Variants in CCSER2 observed in about 807,000 individuals in gnomAD.
CCSER2 encodes serine-rich coiled-coil domain-containing protein 2.
Under a neutral mutation model 92.3 loss-of-function variants are expected in CCSER2, and 46 were observed. The ratio of observed to expected loss-of-function variants is 0.50; its 90% CI spans 0.39 to 0.64. CCSER2 has a LOEUF of 0.64. CCSER2 is among the 30% of genes least tolerant of loss of function. The pLI is 0.00. For synonymous variants in CCSER2, 433 were observed against 431.4 expected (o/e 1.00, Z -0.04); for missense variants, 1,244 against 1,238.9 (o/e 1.00, Z -0.06).
chr10:84,334,730 G>A (rs956704891), intron 1 of CCSER2, among the ~76,000 whole-genome samples: 4 of 152,100 alleles, frequency 2.6e-5, no homozygotes, highest in Admixed American at 1.3e-4. Flanking sequence ...TAAGACAGGG[G>A]CTTGTTTTAA....
intron 1 of CCSER2, among the ~76,000 whole-genome samples, chr10:84,356,813 A>G (rs1280645033): frequency 6.6e-6 from 1 of 152,206 alleles, no homozygotes. Context: ...GACCTCAGAT[A>G]TTAATTGAAA....
intron 9 of CCSER2, among the ~76,000 whole-genome samples, chr10:84,498,946 C>G (rs1259059441): frequency 1.3e-5 from 2 of 152,110 alleles, no homozygotes; most frequent in Non-Finnish European, 2.9e-5. Context: ...TTCTGATAAT[C>G]TGTGATTAAA....
At position 84,438,611 on chromosome 10, in the gene CCSER2, T is replaced by TA; in HGVS notation, c.1969dup (p.Thr657AsnfsTer6). On this transcript the variant is annotated frameshift_variant, in exon 6 of 10. Coordinates refer to ENST00000372088, the MANE Select transcript of CCSER2 (RefSeq NM_001284240.2). LOFTEE classifies it high-confidence loss of function. ...AGATGTTTGTTGATGTACCAGAAAA[T>TA]ACAGTGATACTGGATGAGATGACCC... is the stretch of plus-strand genomic sequence containing the variant. 6.2e-7 allele frequency: 1 copy of TA among 1,613,420 alleles called. No individual in the cohort carries two copies. The highest frequency in any genetic ancestry group is 8.5e-7 in the Non-Finnish European group (1 of 1,179,436).
chr10:84,367,905 G>A (rs1326064381), intron 1 of CCSER2, among the ~76,000 whole-genome samples: 1 of 151,946 alleles, frequency 6.6e-6, no homozygotes, highest in Non-Finnish European at 1.5e-5. Flanking sequence ...GTCTTGCTCA[G>A]GCTTAATTTG....
chr10:84,485,625 A>G (rs1847759641), intron 9 of CCSER2, among the ~76,000 whole-genome samples: 1 of 152,150 alleles, frequency 6.6e-6, no homozygotes. Flanking sequence ...TGTTCAAATA[A>G]ATAATAAAGA....
intron 1 of CCSER2, among the ~76,000 whole-genome samples, chr10:84,368,832 C>T (rs940131322): frequency 4.6e-5 from 7 of 152,026 alleles, no homozygotes; most frequent in African/African-American, 1.4e-4. Flanking sequence ...AATCTCTCAT[C>T]CCTCTCCCAT....
At chr10:84,467,646 C>G (rs369860240) in intron 7 of CCSER2, among the ~76,000 whole-genome samples, 3 of 152,170 alleles carry the variant, frequency 2.0e-5, no homozygotes, top group Admixed American at 6.5e-5. Context: ...CCACCTCCCC[C>G]CTACTGCCCA....
At chr10:84,368,679 T>TA (rs1415546210) in intron 1 of CCSER2, among the ~76,000 whole-genome samples, 1 of 152,198 alleles carries the variant, frequency 6.6e-6, no homozygotes, top group Non-Finnish European at 1.5e-5. Flanking sequence ...GTTCTTTAAT[T>TA]ACCTTTTATT....
chr10:84,455,720 G>GC, intron 6 of CCSER2: 3 of 816,462 alleles, frequency 3.7e-6, no homozygotes, highest in Non-Finnish European at 4.3e-6. Context: ...AAGATCAAAT[G>GC]ACCTCTCTGT....
At chr10:84,351,587 CT>C (rs1844860971) in intron 1 of CCSER2, among the ~76,000 whole-genome samples, 1 of 152,158 alleles carries the variant, frequency 6.6e-6, no homozygotes, top group African/African-American at 2.4e-5. Context: ...CCAGGCTAGA[CT>C]GGAACTCCTG....
At chr10:84,339,562 G>C (rs1446984337) in intron 1 of CCSER2, among the ~76,000 whole-genome samples, 1 of 151,356 alleles carries the variant, frequency 6.6e-6, no homozygotes, top group Non-Finnish European at 1.5e-5. Context: ...CGCAACCTCT[G>C]TCTCCCGGGT....
At chr10:84,491,637 T>C (rs1848172639) in intron 9 of CCSER2, among the ~76,000 whole-genome samples, 1 of 152,156 alleles carries the variant, frequency 6.6e-6, no homozygotes. Context: ...GATCCGTCTG[T>C]CACCCCTTCC....
At chr10:84,466,704 G>A (rs1261574467) in intron 7 of CCSER2, among the ~76,000 whole-genome samples, 1 of 150,968 alleles carries the variant, frequency 6.6e-6, no homozygotes, top group South Asian at 2.1e-4. Flanking sequence ...TAGTAGGGAC[G>A]GGGTTTCACC....
chr10:84,472,793 G>T (rs986319617), intron 8 of CCSER2, among the ~76,000 whole-genome samples: 2 of 151,994 alleles, frequency 1.3e-5, no homozygotes, highest in Admixed American at 6.6e-5. Context: ...AAAAAAATAA[G>T]AACAGGTCTC....
intron 3 of CCSER2, among the ~76,000 whole-genome samples, chr10:84,406,087 G>T (rs1201235478): frequency 6.6e-6 from 1 of 152,146 alleles, no homozygotes; most frequent in Non-Finnish European, 1.5e-5. Flanking sequence ...CTGTACATTC[G>T]CAGTGGAATA....
intron 4 of CCSER2, among the ~76,000 whole-genome samples, chr10:84,424,342 A>T (rs1389650314): frequency 6.6e-6 from 1 of 152,074 alleles, no homozygotes; most frequent in Non-Finnish European, 1.5e-5. Context: ...ATAAGTTCAA[A>T]TGTAAGGCTT....
At chr10:84,437,387 G>T (rs1844236985) in intron 5 of CCSER2, among the ~76,000 whole-genome samples, 1 of 151,996 alleles carries the variant, frequency 6.6e-6, no homozygotes, top group Non-Finnish European at 1.5e-5. Flanking sequence ...GATGGTGGGT[G>T]CCTGTAATCC....
At chr10:84,454,595 A>G (rs1191852750) in intron 6 of CCSER2, 1 of 152,460 alleles carries the variant, frequency 6.6e-6, no homozygotes. Flanking sequence ...ATAGATGTCA[A>G]ATTTATATAT....
Position 84,410,007 on chromosome 10 carries a change from C to T in CCSER2, c.1615-7764C>T, listed in dbSNP as rs74776477. Reference sequence around the variant, plus strand: ...TTCAGCTCCCACATGTAAGTGAGAACGTGCGGTCTTTGGTTTTCTGTTCCT... The same window carrying T: ...TTCAGCTCCCACATGTAAGTGAGAATGTGCGGTCTTTGGTTTTCTGTTCCT... On this transcript the variant is annotated intron_variant, in intron 3 of 9. Coordinates refer to ENST00000372088, the MANE Select transcript of CCSER2 (RefSeq NM_001284240.2). Among the ~76,000 whole-genome samples, 997 of 152,210 alleles carry T rather than the reference C, an allele frequency of 6.6e-3. 8 individuals carry two copies. The highest frequency in any genetic ancestry group is 0.012 in the Admixed American group (187 of 15,286).
Sources: gnomAD v4.1 joint callset for allele counts (sites outside exome capture counted in the v4.1 genomes callset) on GRCh38, gnomAD v4.1.1 for gene constraint, MANE v1.5 for transcripts, NCBI Gene and HGNC (gene_info 2026-07-23, HGNC 2026-07-21) for gene names.